Variants in MYO10 observed in about 807,000 individuals in gnomAD.
MYO10 encodes unconventional myosin-X.
In MYO10, 133 loss-of-function variants were observed where a neutral mutation model predicts 257.3. The observed-to-expected ratio is 0.52, with a 90% CI of 0.45 to 0.60. MYO10 has a LOEUF of 0.60. Ranked by LOEUF, MYO10 falls within the 20% of genes least tolerant of loss-of-function variation. MYO10 has a pLI of 0.00. For synonymous variants in MYO10, 1,104 were observed against 1,028.6 expected (o/e 1.07, Z -1.40); for missense variants, 2,399 against 2,635.7 (o/e 0.91, Z 1.97).
chr5:16,841,995 C>T lies in MYO10; in HGVS notation c.121-23828G>A, dbSNP rs182815328. On this transcript the variant is annotated intron_variant, in intron 2 of 40. Coordinates refer to ENST00000513610, the MANE Select transcript of MYO10 (RefSeq NM_012334.3). ...GGACTCAATCATAGAAGGCATGACA[C>T]TTGACTTTGGGGTGGGGGGGCTTGG... is the stretch of plus-strand genomic sequence containing the variant. Among the ~76,000 whole-genome samples, 901 of 107,906 alleles carry T rather than the reference C, an allele frequency of 8.3e-3. 17 individuals are homozygous for T. The highest frequency in any genetic ancestry group is 0.031 in the African/African-American group (854 of 27,208). 70.8% of individuals were successfully genotyped at this position (107,906 alleles called of 152,430 possible).
At chr5:16,668,734 A>G (rs1438947020) in intron 39 of MYO10, among the ~76,000 whole-genome samples, 1 of 152,170 alleles carries the variant, frequency 6.6e-6, no homozygotes, top group Non-Finnish European at 1.5e-5. Context: ...ACTTCTCAGC[A>G]TTATTCTACT....
intron 9 of MYO10, among the ~76,000 whole-genome samples, chr5:16,778,688 GTTTTTT>G (rs55880979): frequency 6.5e-5 from 7 of 107,544 alleles, no homozygotes; most frequent in South Asian, 6.5e-4. Context: ...CTTTGCTGAG[GTTTTTT>G]TTTTTTTTTT....
At chr5:16,773,323 A>G (rs1741109850) in intron 9 of MYO10, among the ~76,000 whole-genome samples, 1 of 152,202 alleles carries the variant, frequency 6.6e-6, no homozygotes, top group African/African-American at 2.4e-5. Context: ...GACTTTTTAA[A>G]CTGTGTTAAA....
At chr5:16,850,686 T>C (rs934547429) in intron 2 of MYO10, among the ~76,000 whole-genome samples, 4 of 151,722 alleles carry the variant, frequency 2.6e-5, no homozygotes, top group Admixed American at 1.3e-4. Context: ...AGACCACATA[T>C]AGGTAAGCTC....
intron 2 of MYO10, among the ~76,000 whole-genome samples, chr5:16,844,260 G>A (rs532753966): frequency 2.6e-5 from 4 of 151,006 alleles, no homozygotes; most frequent in South Asian, 4.2e-4. Context: ...ATTATTTATC[G>A]AATTCAGGAT....
At chr5:16,895,172 A>C (rs1745181988) in intron 1 of MYO10, among the ~76,000 whole-genome samples, 1 of 152,264 alleles carries the variant, frequency 6.6e-6, no homozygotes, top group Non-Finnish European at 1.5e-5. Flanking sequence ...TAGACAAGTC[A>C]TTTTGAAGGA....
chr5:16,778,365 C>T (rs1741286649), intron 9 of MYO10, among the ~76,000 whole-genome samples: 1 of 152,150 alleles, frequency 6.6e-6, no homozygotes, highest in Non-Finnish European at 1.5e-5. Flanking sequence ...AAATGGCCAT[C>T]ACAAGCCACG....
chr5:16,742,602 T>C (rs1740053695), intron 19 of MYO10, among the ~76,000 whole-genome samples: 1 of 150,214 alleles, frequency 6.7e-6, no homozygotes, highest in Non-Finnish European at 1.5e-5. Context: ...GGTGGATCAT[T>C]TGAGGTCAGG....
At chr5:16,680,856 G>A (rs772800142) in intron 32 of MYO10, among the ~76,000 whole-genome samples, 14 of 152,148 alleles carry the variant, frequency 9.2e-5, no homozygotes, top group Admixed American at 1.3e-4. Flanking sequence ...TTAGCCCGGT[G>A]TGATGGTGCG....
chr5:16,684,924 G>A (rs1004310109), intron 29 of MYO10, among the ~76,000 whole-genome samples: 1 of 152,114 alleles, frequency 6.6e-6, no homozygotes, highest in Non-Finnish European at 1.5e-5. Context: ...GCAAGCGCCT[G>A]TAGTCCCAGC....
At position 16,663,345 on chromosome 5, in the gene MYO10, T is replaced by G. The variant is rs1460781429; in HGVS notation, c.*3347A>C. ...TTCTAGTTGTTTTTTTTTTTTTTTT[T>G]TTTTTTTTTTTTTTTTTTTTTTACA... On this transcript the variant is annotated 3_prime_UTR_variant, in exon 41 of 41. Coordinates refer to ENST00000513610, the MANE Select transcript of MYO10 (RefSeq NM_012334.3). 13 of 90,430 alleles carry G rather than the reference T, an allele frequency of 1.4e-4. No individual in the cohort carries two copies. Among genetic ancestry groups the G allele is most frequent in the Non-Finnish European group, 1.9e-4 (7 of 37,210 alleles). 5.6% of individuals were successfully genotyped at this position (90,430 alleles called of 1,614,324 possible).
At chr5:16,851,987 G>C (rs1416458669) in intron 2 of MYO10, among the ~76,000 whole-genome samples, 1 of 145,386 alleles carries the variant, frequency 6.9e-6, no homozygotes, top group African/African-American at 2.6e-5. Flanking sequence ...GGAGTTGGAG[G>C]TTGCAGTGAG....
chr5:16,671,397 ATC>A, intron 38 of MYO10, 23 bp downstream of exon 38: 1 of 1,612,768 alleles, frequency 6.2e-7, no homozygotes, highest in Non-Finnish European at 8.5e-7. Context: ...CGGCAAAGAA[ATC>A]TGTTTCTAAC....
At chr5:16,919,635 G>GC (rs1240572291) in intron 1 of MYO10, among the ~76,000 whole-genome samples, 1 of 152,146 alleles carries the variant, frequency 6.6e-6, no homozygotes, top group Non-Finnish European at 1.5e-5. Flanking sequence ...CACAGTCCTA[G>GC]CCCATGGTAA....
chr5:16,674,794 A>T, intron 35 of MYO10, 59 bp downstream of exon 35: 1 of 1,579,166 alleles, frequency 6.3e-7, no homozygotes, highest in Non-Finnish European at 8.7e-7. Flanking sequence ...ACGAGGACCC[A>T]GTGCCCCACC....
intron 3 of MYO10, 56 bp downstream of exon 3, chr5:16,817,953 A>G (rs1417267263): frequency 1.5e-6 from 2 of 1,295,126 alleles, no homozygotes; most frequent in Non-Finnish European, 2.0e-6. Flanking sequence ...GAAAACAAAA[A>G]TAAGCATTCA....
At chr5:16,892,173 G>A (rs918041179) in intron 1 of MYO10, among the ~76,000 whole-genome samples, 2 of 152,174 alleles carry the variant, frequency 1.3e-5, no homozygotes, top group African/African-American at 4.8e-5. Flanking sequence ...TGAGGTTACA[G>A]AAATGGCACT....
rs1738704602 is a variant in MYO10 at position 16,713,326 on chromosome 5, T to C, written c.1930-2081A>G. On this transcript the variant is annotated intron_variant, in intron 19 of 40. Transcript: ENST00000513610. ...CCCCATCCAAAAAGTTCAGCCACACTCACCATCTTCCTGTCTCTCCAAGGG... is the reference window on the plus strand; with the variant it reads ...CCCCATCCAAAAAGTTCAGCCACACCCACCATCTTCCTGTCTCTCCAAGGG... 4 of 985,818 alleles carry C rather than the reference T, an allele frequency of 4.1e-6. No individual in the cohort carries two copies. In the South Asian group the frequency reaches 1.9e-4, roughly 46 times the overall value. The allele number at this position is 985,818 out of a possible 1,614,324, so 61.1% of individuals were successfully genotyped here. A position where few individuals can be genotyped will look rare whatever the true frequency, so the allele number is the denominator to read the frequency against.
intron 3 of MYO10, among the ~76,000 whole-genome samples, chr5:16,801,296 C>T (rs1427651666): frequency 1.3e-5 from 2 of 152,198 alleles, no homozygotes; most frequent in South Asian, 2.1e-4. Flanking sequence ...CAGCCTCCGC[C>T]TCCCGGGTTA....
Sources: allele counts gnomAD v4.1 joint callset (sites outside exome capture counted in the v4.1 genomes callset), GRCh38; gene constraint gnomAD v4.1.1; transcripts MANE v1.5; gene names NCBI Gene and HGNC (gene_info 2026-07-23, HGNC 2026-07-21).